The following HYDIN variants were observed in gnomAD, a reference collection of about 807,000 sequenced individuals.
HYDIN encodes axonemal central pair apparatus protein HYDIN.
HYDIN carries 132 observed loss-of-function variants against 403.9 expected under a neutral mutation model. The observed-to-expected ratio is 0.33, with a 90% CI of 0.28 to 0.38. The LOEUF (loss-of-function observed/expected upper bound fraction) is 0.38, where lower values mean the gene tolerates loss of function less well. Ranked by LOEUF, HYDIN falls within the 10% of genes least tolerant of loss-of-function variation. HYDIN has a pLI of 1.00. For synonymous variants in HYDIN, 1,202 were observed against 1,891.7 expected (o/e 0.64, Z 9.46); for missense variants, 2,827 against 5,009.5 (o/e 0.56, Z 13.15).
chr16:71,064,455 CT>C (rs1223253658), intron 16 of HYDIN, among the ~76,000 whole-genome samples: 1 of 151,724 alleles, frequency 6.6e-6, no homozygotes, highest in East Asian at 1.9e-4. Context: ...TTAATTGACA[CT>C]TTCCCTTGTT....
rs138677600 is a variant in HYDIN at position 71,181,469 on chromosome 16, A to G, written c.262-2422T>C. On this transcript the variant is annotated intron_variant, in intron 3 of 85. Transcript: ENST00000393567. ...CAAACCAATTATTAAATATATGGTC[A>G]CTTGATTTATGACAAAGGTAACACA... 3.0e-3 allele frequency among the ~76,000 whole-genome samples: 457 copies of G among 152,238 alleles called. 2 individuals are homozygous for G. Among genetic ancestry groups the G allele is most frequent in the African/African-American group, 0.01 (432 of 41,554 alleles).
intron 6 of HYDIN, among the ~76,000 whole-genome samples, chr16:71,161,258 C>T (rs1400433954): frequency 4.6e-5 from 7 of 151,828 alleles, no homozygotes; most frequent in East Asian, 1.9e-4. Context: ...TCTAATGCCG[C>T]GGCTGATCTG....
intron 10 of HYDIN, among the ~76,000 whole-genome samples, chr16:71,096,465 CCT>C (rs375810930): frequency 1.3e-5 from 2 of 152,182 alleles, no homozygotes; most frequent in African/African-American, 4.8e-5. Context: ...CCACTTTTCA[CCT>C]CTCTGTCTTT....
At chr16:70,896,712 G>T in intron 53 of HYDIN, among the ~76,000 whole-genome samples, 1 of 129,972 alleles carries the variant, frequency 7.7e-6, no homozygotes, top group Non-Finnish European at 1.6e-5. Context: ...GCACTGCCCT[G>T]ACAGTTGAAA....
At chr16:70,861,795 A>C (rs1460227265) in intron 69 of HYDIN, among the ~76,000 whole-genome samples, 9 of 67,060 alleles carry the variant, frequency 1.3e-4, no homozygotes, top group African/African-American at 5.3e-4. Context: ...GGAATCCTAC[A>C]TGCAGCTGGG....
At chr16:71,213,098 G>C (rs2088683886) in intron 1 of HYDIN, among the ~76,000 whole-genome samples, 2 of 152,022 alleles carry the variant, frequency 1.3e-5, no homozygotes, top group Non-Finnish European at 2.9e-5. Flanking sequence ...TATGTCCCAA[G>C]AATAAGGGCA....
chr16:71,174,879 CTA>C (rs1221212576), intron 5 of HYDIN, among the ~76,000 whole-genome samples: 1 of 152,216 alleles, frequency 6.6e-6, no homozygotes, highest in Non-Finnish European at 1.5e-5. Flanking sequence ...GAGGCTGAAA[CTA>C]TGATATTATC....
At chr16:71,044,194 CT>C (rs1391093656) in intron 18 of HYDIN, among the ~76,000 whole-genome samples, 38 of 145,346 alleles carry the variant, frequency 2.6e-4, no homozygotes, top group African/African-American at 8.7e-4. Context: ...GAGAAGGGCG[CT>C]GGAATTGTAC....
At chr16:71,180,838 C>A (rs1203681574) in intron 3 of HYDIN, among the ~76,000 whole-genome samples, 2 of 151,996 alleles carry the variant, frequency 1.3e-5, no homozygotes, top group African/African-American at 4.8e-5. Context: ...TCTAATAATT[C>A]TTTTATTAGA....
chr16:71,056,973 C>T (rs1263164128), intron 18 of HYDIN, among the ~76,000 whole-genome samples: 1 of 132,536 alleles, frequency 7.5e-6, no homozygotes, highest in East Asian at 2.1e-4. Flanking sequence ...TTAATTTTCC[C>T]CTATGAGAAC....
At chr16:70,817,413 C>T (rs969482077) in intron 84 of HYDIN, 44 of 151,876 alleles carry the variant, frequency 2.9e-4, no homozygotes, top group African/African-American at 1.0e-3. Context: ...GATAACTAGA[C>T]ATTGAAACCA....
At chr16:71,194,271 C>T (rs1207020502) in intron 1 of HYDIN, among the ~76,000 whole-genome samples, 2 of 151,990 alleles carry the variant, frequency 1.3e-5, no homozygotes, top group Non-Finnish European at 2.9e-5. Context: ...ATTAGCTGGG[C>T]GTGGTGGCAC....
chr16:71,210,861 AG>A lies in HYDIN; in HGVS notation c.-24+19700del, dbSNP rs757225559. ...AAAAAAAATTTCTTAGTTTATTGTTAGTAGTCATATTATTATAATTTTTTAC... is the reference window on the plus strand; with the variant it reads ...AAAAAAAATTTCTTAGTTTATTGTTATAGTCATATTATTATAATTTTTTAC... On this transcript the variant is annotated intron_variant, in intron 1 of 85. Coordinates refer to ENST00000393567, the MANE Select transcript of HYDIN (RefSeq NM_001270974.2). 7.2e-5 allele frequency among the ~76,000 whole-genome samples: 11 copies of A among 152,106 alleles called. No homozygotes were observed. The South Asian group carries it at 1.9e-3, about 26-fold the overall frequency.
chr16:71,070,432 C>T (rs2082431148), intron 13 of HYDIN, among the ~76,000 whole-genome samples: 1 of 150,912 alleles, frequency 6.6e-6, no homozygotes, highest in Non-Finnish European at 1.5e-5. Flanking sequence ...GATTCTCCTG[C>T]CTCAGCCTCC....
At chr16:70,966,674 G>A (rs1037539311) in intron 36 of HYDIN, among the ~76,000 whole-genome samples, 8 of 150,796 alleles carry the variant, frequency 5.3e-5, no homozygotes, top group East Asian at 1.9e-4. Context: ...ATAGTCAAGT[G>A]AAGAAAATGT....
chr16:71,019,154 G>T (rs2080376660), intron 22 of HYDIN, among the ~76,000 whole-genome samples: 2 of 151,614 alleles, frequency 1.3e-5, no homozygotes, highest in South Asian at 4.2e-4. Context: ...CTTGATGCCA[G>T]TGTCTGCAGT....
At chr16:71,216,750 A>G (rs1598052819) in intron 1 of HYDIN, among the ~76,000 whole-genome samples, 1 of 152,224 alleles carries the variant, frequency 6.6e-6, no homozygotes, top group Non-Finnish European at 1.5e-5. Context: ...GGTAGCATCA[A>G]CTGAGGATCA....
Position 71,145,890 on chromosome 16 carries a change from T to C in HYDIN, c.841+6769A>G, listed in dbSNP as rs544362008. Among the ~76,000 whole-genome samples, 25 of 152,264 alleles carry C rather than the reference T, an allele frequency of 1.6e-4. No homozygotes were observed. In the East Asian group the frequency reaches 4.1e-3, roughly 25 times the overall value. On this transcript the variant is annotated intron_variant, in intron 7 of 85. Transcript: ENST00000393567. ...ATTTCTTAGGGCTTTAGTTTCTCTA[T>C]CTGTAAAATCTAAGGGTTAGATGAG...
intron 18 of HYDIN, among the ~76,000 whole-genome samples, chr16:71,040,501 CACACA>C: frequency 2.0e-5 from 3 of 147,074 alleles, no homozygotes. Context: ...CCCTCCCCCC[CACACA>C]CACAACTTTA....
Sources: allele counts gnomAD v4.1 joint callset (sites outside exome capture counted in the v4.1 genomes callset), GRCh38; gene constraint gnomAD v4.1.1; transcripts MANE v1.5; gene names NCBI Gene and HGNC (gene_info 2026-07-23, HGNC 2026-07-21).